The following TRABD2B variants were observed in gnomAD, a reference collection of about 807,000 sequenced individuals.
The protein encoded by TRABD2B is TraB domain containing 2B.
A neutral mutation model predicts 40.1 loss-of-function variants in TRABD2B; 14 were observed. That is an observed-to-expected ratio of 0.35 (90% CI 0.23 to 0.55). The LOEUF is 0.55. Ranked by LOEUF, TRABD2B falls within the 20% of genes least tolerant of loss-of-function variation. The pLI, the probability that TRABD2B is intolerant of heterozygous loss-of-function variation, is 0.90. For synonymous variants in TRABD2B, 263 were observed against 277.0 expected (o/e 0.95, Z 0.50); for missense variants, 541 against 648.6 (o/e 0.83, Z 1.80).
intron 2 of TRABD2B, among the ~76,000 whole-genome samples, chr1:47,964,849 C>T (rs779115215): frequency 2.0e-5 from 3 of 151,956 alleles, no homozygotes; most frequent in Non-Finnish European, 2.9e-5. Flanking sequence ...CGGCCAGGCA[C>T]TGCATAAGTC....
intron 2 of TRABD2B, among the ~76,000 whole-genome samples, chr1:47,970,085 T>G (rs143971251): frequency 7.8e-4 from 118 of 152,230 alleles, no homozygotes; most frequent in African/African-American, 2.7e-3. Flanking sequence ...CAGCAAACAT[T>G]GGTGAATGGA....
At chr1:47,778,915 G>A (rs1644484023) in intron 4 of TRABD2B, among the ~76,000 whole-genome samples, 1 of 152,206 alleles carries the variant, frequency 6.6e-6, no homozygotes, top group African/African-American at 2.4e-5. Flanking sequence ...ACACCATGAA[G>A]CTGACCCCAG....
chr1:47,766,711 G>T (rs982091675), intron 6 of TRABD2B, among the ~76,000 whole-genome samples: 7 of 152,276 alleles, frequency 4.6e-5, no homozygotes, highest in South Asian at 2.1e-4. Context: ...GGTGGCTGGC[G>T]GGGAGGCTAC....
At chr1:47,830,930 C>T (rs1364106236) in intron 2 of TRABD2B, among the ~76,000 whole-genome samples, 3 of 152,180 alleles carry the variant, frequency 2.0e-5, no homozygotes, top group African/African-American at 4.8e-5. Flanking sequence ...AGCAGTAACC[C>T]AGCAGAGAGA....
intron 2 of TRABD2B, among the ~76,000 whole-genome samples, chr1:47,907,579 T>C (rs1026417954): frequency 1.3e-5 from 2 of 152,186 alleles, no homozygotes; most frequent in African/African-American, 2.4e-5. Context: ...CTGGTTTGTA[T>C]GACTTTTGGG....
chr1:47,810,764 G>C (rs35157144), intron 2 of TRABD2B, among the ~76,000 whole-genome samples: 1 of 152,234 alleles, frequency 6.6e-6, no homozygotes, highest in Non-Finnish European at 1.5e-5. Flanking sequence ...TAAACCTTTA[G>C]GGGAAGAGAG....
At chr1:47,939,186 C>T (rs529083679) in intron 2 of TRABD2B, among the ~76,000 whole-genome samples, 3 of 151,756 alleles carry the variant, frequency 2.0e-5, no homozygotes, top group Non-Finnish European at 4.4e-5. Context: ...GTTCCACTTT[C>T]GATTAGGGTA....
At chr1:47,956,733 A>G (rs1645428792) in intron 2 of TRABD2B, among the ~76,000 whole-genome samples, 1 of 152,246 alleles carries the variant, frequency 6.6e-6, no homozygotes, top group Non-Finnish European at 1.5e-5. Flanking sequence ...GGAGCCCACC[A>G]CAGCTCAAGG....
At chr1:47,927,160 G>A (rs149437516) in intron 2 of TRABD2B, among the ~76,000 whole-genome samples, 64 of 152,312 alleles carry the variant, frequency 4.2e-4, no homozygotes, top group African/African-American at 1.5e-3. Context: ...GGACCTGCAT[G>A]AGTGAAGGTG....
At chr1:47,972,178 C>T (rs992663316) in intron 2 of TRABD2B, among the ~76,000 whole-genome samples, 7 of 152,252 alleles carry the variant, frequency 4.6e-5, no homozygotes, top group African/African-American at 1.4e-4. Flanking sequence ...AGTCTTTCTT[C>T]GGGATCTGGT....
intron 2 of TRABD2B, among the ~76,000 whole-genome samples, chr1:47,952,451 A>G (rs2148386234): frequency 6.6e-6 from 1 of 152,292 alleles, no homozygotes; most frequent in Admixed American, 6.5e-5. Flanking sequence ...CAAGCCCACA[A>G]TGGCCACAAA....
At chr1:47,956,986 G>A (rs927027935) in intron 2 of TRABD2B, among the ~76,000 whole-genome samples, 16 of 152,314 alleles carry the variant, frequency 1.1e-4, no homozygotes, top group African/African-American at 2.4e-4. Flanking sequence ...TCATACAACC[G>A]GGTGCCCCTC....
chr1:47,789,002 TTTC>T (rs1162199053), intron 4 of TRABD2B, among the ~76,000 whole-genome samples: 1 of 152,160 alleles, frequency 6.6e-6, no homozygotes, highest in Non-Finnish European at 1.5e-5. Flanking sequence ...AAATTGTAAT[TTTC>T]TTCTAGTGCA....
intron 2 of TRABD2B, among the ~76,000 whole-genome samples, chr1:47,879,104 C>CAA (rs5773970): frequency 7.9e-6 from 1 of 127,162 alleles, no homozygotes; most frequent in Non-Finnish European, 1.7e-5. Context: ...GACCTTGTCT[C>CAA]AAAAAAAAAA....
intron 2 of TRABD2B, among the ~76,000 whole-genome samples, chr1:47,919,367 G>A (rs1175154665): frequency 6.6e-6 from 1 of 152,214 alleles, no homozygotes; most frequent in Non-Finnish European, 1.5e-5. Context: ...AGCCATAGAG[G>A]GCTCCAGAAA....
intron 2 of TRABD2B, among the ~76,000 whole-genome samples, chr1:47,836,611 G>C (rs1645321635): frequency 6.6e-6 from 1 of 152,262 alleles, no homozygotes; most frequent in Non-Finnish European, 1.5e-5. Context: ...AGCAATCCAA[G>C]AGGGCAGTGA....
At chr1:47,803,318 C>T (rs1227529412) in intron 2 of TRABD2B, among the ~76,000 whole-genome samples, 2 of 152,218 alleles carry the variant, frequency 1.3e-5, no homozygotes, top group Non-Finnish European at 1.5e-5. Flanking sequence ...ATCCTTCAGC[C>T]AAGGGGATGC....
At chr1:47,838,430 G>A (rs185633650) in intron 2 of TRABD2B, among the ~76,000 whole-genome samples, 17 of 152,276 alleles carry the variant, frequency 1.1e-4, no homozygotes, top group South Asian at 2.1e-4. Flanking sequence ...CAAGAAGAGC[G>A]GCTGCAGCTC....
intron 6 of TRABD2B, among the ~76,000 whole-genome samples, chr1:47,767,807 G>C (rs1644325327): frequency 6.6e-6 from 1 of 152,178 alleles, no homozygotes; most frequent in African/African-American, 2.4e-5. Context: ...GGCTGCCCTG[G>C]GTCACTCCGG....
Sources: gnomAD v4.1 joint callset for allele counts (sites outside exome capture counted in the v4.1 genomes callset) on GRCh38, gnomAD v4.1.1 for gene constraint, MANE v1.5 for transcripts, NCBI Gene and HGNC (gene_info 2026-07-23, HGNC 2026-07-21) for gene names.